SCMH1: variants seen among roughly 807,000 people sequenced by gnomAD.
The protein encoded by SCMH1 is Scm polycomb group protein homolog 1.
A neutral mutation model predicts 70.8 loss-of-function variants in SCMH1; 37 were observed. That is an observed-to-expected ratio of 0.52 (90% CI 0.40 to 0.69). The LOEUF (loss-of-function observed/expected upper bound fraction) is 0.69. Among genes scored for constraint, SCMH1 ranks in the 30% least tolerant of loss-of-function variants. The pLI is 0.00. For synonymous variants in SCMH1, 292 were observed against 307.4 expected (o/e 0.95, Z 0.52); for missense variants, 607 against 827.3 (o/e 0.73, Z 3.27).
At position 41,048,905 on chromosome 1, in the gene SCMH1, G is replaced by C. The variant is rs1301596789; in HGVS notation, c.1106-15C>G. ...GTAGATACAAACTATGGGAGACAAA[G>C]AATCAAAGAAGCTTCAAGAGTCTCT... is the stretch of plus-strand genomic sequence containing the variant. On this transcript the variant is annotated splice_polypyrimidine_tract_variant and intron_variant, in intron 10 of 14. Transcript: ENST00000337495. The C allele has an allele frequency of 6.3e-7, 1 of 1,599,738 alleles. No individual in the cohort carries two copies. The highest frequency in any genetic ancestry group is 1.3e-5 in the African/African-American group (1 of 74,262).
chr1:41,182,903 C>T (rs1194333549), intron 2 of SCMH1, among the ~76,000 whole-genome samples: 4 of 152,040 alleles, frequency 2.6e-5, no homozygotes, highest in African/African-American at 9.7e-5. Context: ...CTGAATCAGG[C>T]AACTGTCCCA....
chr1:41,192,790 C>T (rs1341470415), intron 1 of SCMH1, among the ~76,000 whole-genome samples: 1 of 152,216 alleles, frequency 6.6e-6, no homozygotes, highest in Non-Finnish European at 1.5e-5. Context: ...ATACCTACTA[C>T]TATGGCTTGT....
At chr1:41,171,527 T>TA (rs35440227) in intron 2 of SCMH1, among the ~76,000 whole-genome samples, 16,393 of 145,374 alleles carry the variant, frequency 0.11, 1,021 homozygotes, top group South Asian at 0.16. Flanking sequence ...CATTAAAAAT[T>TA]AAAAAAAAAA....
chr1:41,044,388 A>T (rs939163767), intron 12 of SCMH1, among the ~76,000 whole-genome samples: 1 of 152,108 alleles, frequency 6.6e-6, no homozygotes, highest in Non-Finnish European at 1.5e-5. Context: ...AATCAGAAAA[A>T]CACAGGAAAT....
chr1:41,166,418 G>C (rs1646411830), intron 2 of SCMH1, among the ~76,000 whole-genome samples: 1 of 151,978 alleles, frequency 6.6e-6, no homozygotes, highest in African/African-American at 2.4e-5. Context: ...CATTAGATCT[G>C]TAGATTTCTT....
intron 6 of SCMH1, among the ~76,000 whole-genome samples, chr1:41,117,857 C>A (rs1258582546): frequency 6.6e-6 from 1 of 152,138 alleles, no homozygotes; most frequent in East Asian, 1.9e-4. Flanking sequence ...TGGGAGACGG[C>A]TCACACTCCT....
rs576326762 is a variant in SCMH1 at position 41,212,203 on chromosome 1, T to A, written c.-117-25953A>T. ...CAAAACAAGTCGGGCACTTTAGTAT[T>A]TGTAAGTCACTCTCAAATTCAACAG... On this transcript the variant is annotated intron_variant, in intron 1 of 14. Transcript: ENST00000337495. Among the ~76,000 whole-genome samples the A allele has an allele frequency of 2.3e-4, 35 of 152,238 alleles. 1 individual carries two copies. In the South Asian group the frequency reaches 7.3e-3, roughly 32 times the overall value.
At chr1:41,056,196 C>T (rs529381633) in intron 10 of SCMH1, among the ~76,000 whole-genome samples, 38 of 152,272 alleles carry the variant, frequency 2.5e-4, no homozygotes, top group African/African-American at 7.7e-4. Flanking sequence ...GCTCTAGGAA[C>T]GCAGCCACCA....
intron 8 of SCMH1, among the ~76,000 whole-genome samples, chr1:41,089,787 CTTTTTTTTTTT>C (rs373229472): frequency 3.4e-5 from 2 of 58,756 alleles, no homozygotes; most frequent in Non-Finnish European, 2.9e-5. Context: ...CATGTTGTCT[CTTTTTTTTTTT>C]TTTTTTTTTT....
At chr1:41,053,842 G>T (rs1047553036) in intron 10 of SCMH1, among the ~76,000 whole-genome samples, 43 of 151,188 alleles carry the variant, frequency 2.8e-4, no homozygotes, top group Admixed American at 3.3e-4. Flanking sequence ...TTTTTTTTTT[G>T]TTTTGTTTTT....
At chr1:41,107,813 T>C (rs773670338) in intron 8 of SCMH1, among the ~76,000 whole-genome samples, 15 of 152,200 alleles carry the variant, frequency 9.9e-5, no homozygotes, top group Admixed American at 5.2e-4. Flanking sequence ...CCACTGCGCC[T>C]AGCCTAGGAT....
intron 1 of SCMH1, among the ~76,000 whole-genome samples, chr1:41,193,467 T>C (rs528208352): frequency 6.6e-6 from 1 of 152,088 alleles, no homozygotes; most frequent in South Asian, 2.1e-4. Flanking sequence ...TATACAGAGA[T>C]TTGCTATAAA....
intron 1 of SCMH1, among the ~76,000 whole-genome samples, chr1:41,207,828 G>A (rs1433214109): frequency 6.6e-6 from 1 of 151,470 alleles, no homozygotes; most frequent in Non-Finnish European, 1.5e-5. Flanking sequence ...ACTGTTGGTG[G>A]GACTGTAAAC....
rs114014871 is a variant in SCMH1, at chr1:41,096,673, C to G, written c.745+16610G>C. Among the ~76,000 whole-genome samples, 459 of 152,240 alleles carry G rather than the reference C, an allele frequency of 3.0e-3. 1 individual carries two copies. Among genetic ancestry groups the G allele is most frequent in the African/African-American group, 0.01 (432 of 41,546 alleles). On this transcript the variant is annotated intron_variant, in intron 8 of 14. Coordinates refer to ENST00000337495, the Ensembl canonical transcript of SCMH1. Reference sequence around the variant, plus strand: ...CTCTTGACCCTAATTGTTCTGGGACCCTGAAACTCTGCTCCTGTAGAGGAT... The same window carrying G: ...CTCTTGACCCTAATTGTTCTGGGACGCTGAAACTCTGCTCCTGTAGAGGAT...
At chr1:41,092,269 G>C (rs997973584) in intron 8 of SCMH1, among the ~76,000 whole-genome samples, 1 of 152,118 alleles carries the variant, frequency 6.6e-6, no homozygotes, top group African/African-American at 2.4e-5. Flanking sequence ...ACAAGAAATA[G>C]GGAAAGGATT....
chr1:41,048,572 C>T (rs773459329), intron 11 of SCMH1, 118 bp downstream of exon 11: 5 of 891,336 alleles, frequency 5.6e-6, no homozygotes, highest in Non-Finnish European at 7.1e-6. Flanking sequence ...GGAATACCTT[C>T]ACATTTTTCC....
chr1:41,162,670 A>AG (rs1646134993), intron 2 of SCMH1: 1 of 152,090 alleles, frequency 6.6e-6, no homozygotes, highest in African/African-American at 2.4e-5. Flanking sequence ...CACCCACTCT[A>AG]GGGCCTCCTC....
intron 10 of SCMH1, among the ~76,000 whole-genome samples, chr1:41,057,304 C>T (rs906082705): frequency 1.3e-5 from 2 of 152,100 alleles, no homozygotes; most frequent in Admixed American, 6.5e-5. Context: ...CTTGCTCTGT[C>T]GCCCAGGCCG....
intron 1 of SCMH1, among the ~76,000 whole-genome samples, chr1:41,209,596 A>T (rs1277179359): frequency 1.3e-5 from 2 of 152,274 alleles, no homozygotes; most frequent in Non-Finnish European, 2.9e-5. Flanking sequence ...CATCGCATAA[A>T]CAGAACCATC....
Sources: allele counts gnomAD v4.1 joint callset (sites outside exome capture counted in the v4.1 genomes callset), GRCh38; gene constraint gnomAD v4.1.1; transcripts MANE v1.5; gene names NCBI Gene and HGNC (gene_info 2026-07-23, HGNC 2026-07-21).